NCAM1: variants seen among roughly 807,000 people sequenced by gnomAD.
NCAM1 encodes neural cell adhesion molecule 1.
Under a neutral mutation model 109.8 loss-of-function variants are expected in NCAM1, and 14 were observed. The observed-to-expected ratio is 0.13, with a 90% CI of 0.08 to 0.20. The LOEUF (loss-of-function observed/expected upper bound fraction) is 0.20, where lower values mean the gene tolerates loss of function less well. NCAM1 is among the 10% of genes least tolerant of loss of function. NCAM1 has a pLI of 1.00. For missense variants in NCAM1, 774 were observed against 1,109.9 expected (o/e 0.70, Z 4.30); for synonymous variants, 418 against 442.9 (o/e 0.94, Z 0.70).
chr11:113,099,051 TC>T (rs1555091011), intron 1 of NCAM1, among the ~76,000 whole-genome samples: 1 of 152,226 alleles, frequency 6.6e-6, no homozygotes, highest in East Asian at 1.9e-4. Flanking sequence ...AAATATTAAC[TC>T]ATTTAAACCT....
At chr11:113,105,986 A>G (rs1213947448) in intron 1 of NCAM1, among the ~76,000 whole-genome samples, 1 of 152,084 alleles carries the variant, frequency 6.6e-6, no homozygotes, top group Non-Finnish European at 1.5e-5. Flanking sequence ...CATCACCAAA[A>G]ACTAATTAGT....
At chr11:113,114,579 CT>C (rs1331958708) in intron 1 of NCAM1, among the ~76,000 whole-genome samples, 2 of 151,994 alleles carry the variant, frequency 1.3e-5, no homozygotes, top group African/African-American at 2.4e-5. Context: ...TTTGTTTTTC[CT>C]CTTCAGGCAC....
chr11:113,128,637 C>T (rs1156492356), intron 1 of NCAM1, among the ~76,000 whole-genome samples: 1 of 152,148 alleles, frequency 6.6e-6, no homozygotes, highest in Admixed American at 6.5e-5. Flanking sequence ...CTTTAGTCCT[C>T]TTTATTCTTG....
intron 1 of NCAM1, among the ~76,000 whole-genome samples, chr11:113,003,139 G>A (rs1307046044): frequency 6.6e-6 from 1 of 152,208 alleles, no homozygotes; most frequent in African/African-American, 2.4e-5. Context: ...ATATTGCCAT[G>A]AGGGCATCAC....
chr11:113,206,927 T>C (rs970960685), intron 5 of NCAM1, among the ~76,000 whole-genome samples: 3 of 152,240 alleles, frequency 2.0e-5, no homozygotes, highest in African/African-American at 7.2e-5. Flanking sequence ...TCACTGAACC[T>C]GGTAGTTATT....
intron 1 of NCAM1, among the ~76,000 whole-genome samples, chr11:113,127,717 A>G (rs1443140154): frequency 6.6e-6 from 1 of 152,232 alleles, no homozygotes; most frequent in Non-Finnish European, 1.5e-5. Flanking sequence ...AAAAAGCTTA[A>G]GTGATTAGTG....
chr11:113,207,439 T>G (rs1944271529), intron 6 of NCAM1, 61 bp downstream of exon 6: 1 of 1,377,430 alleles, frequency 7.3e-7, no homozygotes. Context: ...TCACAAAGTC[T>G]GCTCCATGTT....
chr11:113,231,182 A>G (rs1944994288), intron 9 of NCAM1: 2 of 1,535,280 alleles, frequency 1.3e-6, no homozygotes, highest in Non-Finnish European at 8.7e-7. Context: ...GGCACTTGGA[A>G]TGTCCTGCCA....
In NCAM1 at chr11:113,125,691, C is replaced by T. The variant is rs1161284355; in HGVS notation, c.53-76688C>T. 2.6e-5 allele frequency among the ~76,000 whole-genome samples: 4 copies of T among 152,154 alleles called. No homozygotes were observed. In the South Asian group the frequency reaches 6.2e-4, roughly 24 times the overall value. ...CAGGATGCCAGGTCACCAGGTTGGA[C>T]GTGAGGGCAGACTTTCAAAGGCTCC... On this transcript the variant is annotated intron_variant, in intron 1 of 19. Transcript: ENST00000316851.
chr11:113,239,499 CTTTTT>C (rs55641415), intron 14 of NCAM1, among the ~76,000 whole-genome samples: 64 of 110,180 alleles, frequency 5.8e-4, no homozygotes, highest in African/African-American at 1.0e-3. Flanking sequence ...TGAGTCTCTA[CTTTTT>C]TTTTTTTTTT....
intron 1 of NCAM1, among the ~76,000 whole-genome samples, chr11:113,157,930 T>C (rs1161155980): frequency 2.0e-5 from 3 of 152,118 alleles, no homozygotes; most frequent in Non-Finnish European, 2.9e-5. Context: ...AGGAATATTT[T>C]AATAGCCGTC....
chr11:113,123,652 A>G (rs1317189339), intron 1 of NCAM1, among the ~76,000 whole-genome samples: 1 of 152,144 alleles, frequency 6.6e-6, no homozygotes, highest in Non-Finnish European at 1.5e-5. Flanking sequence ...TGGCCTTTTC[A>G]TGGTACTCAA....
At chr11:113,154,209 T>C (rs1209301008) in intron 1 of NCAM1, among the ~76,000 whole-genome samples, 3 of 152,090 alleles carry the variant, frequency 2.0e-5, no homozygotes, top group African/African-American at 7.2e-5. Flanking sequence ...TTCTGGTGGG[T>C]TGAGGAACAA....
At chr11:113,133,798 T>G (rs988518450) in intron 1 of NCAM1, 1 of 152,184 alleles carries the variant, frequency 6.6e-6, no homozygotes, top group African/African-American at 2.4e-5. Context: ...GAGAGGGATG[T>G]TAATATTGCT....
chr11:113,177,134 C>A (rs1382774402), intron 1 of NCAM1, among the ~76,000 whole-genome samples: 1 of 152,194 alleles, frequency 6.6e-6, no homozygotes, highest in Non-Finnish European at 1.5e-5. Flanking sequence ...TTTTTTCTGG[C>A]TGCCTATGAG....
chr11:113,041,790 G>A (rs1953085157), intron 1 of NCAM1, among the ~76,000 whole-genome samples: 1 of 151,962 alleles, frequency 6.6e-6, no homozygotes, highest in African/African-American at 2.4e-5. Flanking sequence ...TCCTCCCATG[G>A]GTGACACAGT....
intron 1 of NCAM1, among the ~76,000 whole-genome samples, chr11:113,159,369 GAAATA>G (rs1327680460): frequency 6.6e-6 from 1 of 151,904 alleles, no homozygotes; most frequent in Non-Finnish European, 1.5e-5. Flanking sequence ...GCACCTGTTG[GAAATA>G]AAATAATACT....
chr11:113,181,536 C>T (rs1238462505), intron 1 of NCAM1, among the ~76,000 whole-genome samples: 8 of 152,030 alleles, frequency 5.3e-5, no homozygotes, highest in South Asian at 2.1e-4. Flanking sequence ...GACTGGGGGA[C>T]GGAGAGCATC....
intron 1 of NCAM1, among the ~76,000 whole-genome samples, chr11:113,077,544 C>T (rs1402846315): frequency 6.6e-6 from 1 of 152,096 alleles, no homozygotes; most frequent in Non-Finnish European, 1.5e-5. Flanking sequence ...GTGTACTGAC[C>T]ATACTCTATC....
Sources: gnomAD v4.1 joint callset for allele counts (sites outside exome capture counted in the v4.1 genomes callset) on GRCh38, gnomAD v4.1.1 for gene constraint, MANE v1.5 for transcripts, NCBI Gene and HGNC (gene_info 2026-07-23, HGNC 2026-07-21) for gene names.